MELTF: variants seen among roughly 807,000 people sequenced by gnomAD.
The protein encoded by MELTF is melanotransferrin.
Under a neutral mutation model 83.7 loss-of-function variants are expected in MELTF, and 67 were observed. The ratio of observed to expected loss-of-function variants is 0.80; its 90% CI spans 0.66 to 0.98. The LOEUF is 0.98. Among genes scored for constraint, MELTF ranks in the 50% least tolerant of loss-of-function variants. The pLI is 0.00. For synonymous variants in MELTF, 462 were observed against 447.6 expected (o/e 1.03, Z -0.41); for missense variants, 1,002 against 1,035.6 (o/e 0.97, Z 0.44).
chr3:197,003,335 G>C lies in MELTF; in HGVS notation c.*37C>G, dbSNP rs1431996976. 4.8e-6 allele frequency: 5 copies of C among 1,042,114 alleles called. No homozygotes were observed. The African/African-American group carries it at 5.2e-5, about 11-fold the overall frequency. The allele number at this position is 1,042,114 out of a possible 1,614,324, so 64.6% of individuals were successfully genotyped here. A position where few individuals can be genotyped will look rare whatever the true frequency, so the allele number is the denominator to read the frequency against. On this transcript the variant is annotated 3_prime_UTR_variant, in exon 16 of 16. Transcript: ENST00000296350. The surrounding 1 kb of genome is among the most constrained non-coding windows in gnomAD (Gnocchi z 6.2). The stretch of plus-strand genomic sequence containing the variant: ...CGCGAAGCCGCCGCGGAAACTCCCC[G>C]GGCGGGCATCGGAGCTCTGGGGCGG...
chr3:197,008,565 TTGGCCCCAGCCCAGCA>T lies in MELTF; in HGVS notation c.1750+76_1750+91del, dbSNP rs1719058397. ...AGACTCAGCCTCTCTGAGCTGCTGC[TTGGCCCCAGCCCAGCA>T]TGGTGTCTGGATGGTGCTGAAGATG... On this transcript the variant is annotated intron_variant, in intron 13 of 15. Coordinates refer to ENST00000296350, the MANE Select transcript of MELTF (RefSeq NM_005929.6). This position sits in a 1 kb window ranked among gnomAD's most constrained non-coding sequence, Gnocchi z 5.4. 6 of 1,416,590 alleles carry T rather than the reference TTGGCCCCAGCCCAGCA, an allele frequency of 4.2e-6. No individual in the cohort carries two copies. The East Asian group carries it at 1.4e-4, about 33-fold the overall frequency. The allele number at this position is 1,416,590 out of a possible 1,614,324, so 87.8% of individuals were successfully genotyped here.
intron 6 of MELTF, chr3:197,019,886 G>T (rs907910059): frequency 6.9e-7 from 1 of 1,453,330 alleles, no homozygotes; most frequent in Non-Finnish European, 9.1e-7. Flanking sequence ...CCTGGGAGAC[G>T]CAAAACTGCA....
Position 197,003,906 on chromosome 3 carries a change from C to G in MELTF, c.2132G>C (p.Gly711Ala), listed in dbSNP as rs775782894. 2.5e-6 allele frequency: 4 copies of G among 1,613,392 alleles called. No individual in the cohort carries two copies. The highest frequency in any genetic ancestry group is 3.4e-6 in the Non-Finnish European group (4 of 1,179,904). Residue 711 changes from glycine (G) to alanine (A), a missense_variant, in exon 15 of 16, where the codon GGC becomes GCC. By Grantham distance (60) the Gly-to-Ala change is moderately conservative (BLOSUM62 0). Transcript: ENST00000296350. The surrounding 1 kb of genome is among the most constrained non-coding windows in gnomAD (Gnocchi z 6.2). ...GCAGGGCGGGCCTGTCCTACCTGCG[C>G]CCGAGCACTGCTGAGACGACATCCC... ...LEGMSSQQCS[G>A]AAAPAPGAPL...
chr3:197,009,827 A>T lies in MELTF; in HGVS notation c.1331-15T>A, dbSNP rs370765832. 87 of 1,600,954 alleles carry T rather than the reference A, an allele frequency of 5.4e-5. No individual in the cohort carries two copies. The highest frequency in any genetic ancestry group is 7.3e-5 in the Non-Finnish European group (85 of 1,170,468). On this transcript the variant is annotated splice_polypyrimidine_tract_variant and intron_variant, in intron 10 of 15. Coordinates refer to ENST00000296350, the MANE Select transcript of MELTF (RefSeq NM_005929.6). ...GCTGTCTTCCGCTGGGGAGAGAGGG[A>T]CTCACGTGAGGGGCCCCTCATCTGA...
intron 9 of MELTF, among the ~76,000 whole-genome samples, chr3:197,014,459 C>G (rs531478817): frequency 2.1e-5 from 3 of 140,722 alleles, no homozygotes; most frequent in South Asian, 4.6e-4. Context: ...GTGATCTCGG[C>G]TCCCTGCAAC....
intron 6 of MELTF, chr3:197,019,437 A>G: frequency 7.1e-7 from 1 of 1,407,720 alleles, no homozygotes; most frequent in Non-Finnish European, 9.3e-7. Context: ...AGATTGCCTC[A>G]GATTACCATC....
At chr3:197,021,857 G>A (rs529902958) in intron 5 of MELTF, among the ~76,000 whole-genome samples, 113 of 152,188 alleles carry the variant, frequency 7.4e-4, no homozygotes, top group African/African-American at 2.5e-3. Context: ...GTTTGTTTTC[G>A]TTGTTTTGTT....
chr3:197,017,607 G>C (rs1471548138), intron 6 of MELTF, among the ~76,000 whole-genome samples: 1 of 152,236 alleles, frequency 6.6e-6, no homozygotes, highest in African/African-American at 2.4e-5. Flanking sequence ...GCCGGGCGTG[G>C]TGGCTCACGC....
chr3:197,009,765 C>G lies in MELTF; in HGVS notation c.1378G>C (p.Asp460His), dbSNP rs753701917. The change falls in exon 11 of 16, where the codon GAC (aspartate) becomes CAC (histidine). Residue 460 changes from aspartate (D) to histidine (H), a missense_variant. Physicochemically the swap from Asp to His is moderately conservative, Grantham distance 81 (BLOSUM62 -1). Transcript: ENST00000296350. ...SYYVVAVVRR[D>H]SSHAFTLDEL... is the part of the protein sequence containing the mutation. ...TCCAAGGTGAAGGCGTGGGAGCTGT[C>G]CCGTCTCACCACGGCCACCACGTAG... The G allele has an allele frequency of 8.7e-6, 14 of 1,613,344 alleles. No individual in the cohort carries two copies. The East Asian group carries it at 2.9e-4, about 33-fold the overall frequency.
chr3:197,026,974 T>A, intron 2 of MELTF: 1 of 549,322 alleles, frequency 1.8e-6, no homozygotes, highest in Non-Finnish European at 3.3e-6. Context: ...AAAAAAAAAA[T>A]ACTAATCATT....
At position 197,022,858 on chromosome 3, in the gene MELTF, C is replaced by T; in HGVS notation, c.644+99G>A. The T allele has an allele frequency of 8.5e-7, 1 of 1,170,634 alleles. No individual in the cohort carries two copies. The highest frequency in any genetic ancestry group is 2.3e-5 in the Admixed American group (1 of 43,464). 72.5% of individuals were successfully genotyped at this position (1,170,634 alleles called of 1,614,324 possible). On this transcript the variant is annotated intron_variant, in intron 5 of 15. Transcript: ENST00000296350. This position sits in a 1 kb window ranked among gnomAD's most constrained non-coding sequence, Gnocchi z 5.1. ...TGAGACGCAGCCAACATGCCACTTC[C>T]CCCTCCACGGCCCTCTCTGGGCAAA...
At chr3:197,018,890 A>G (rs1329614460) in intron 6 of MELTF, 2 of 972,368 alleles carry the variant, frequency 2.1e-6, no homozygotes, top group Non-Finnish European at 2.4e-6. Flanking sequence ...AAGAGTAACT[A>G]TTAACACCAA....
At chr3:197,012,741 A>G (rs1397889517) in intron 9 of MELTF, among the ~76,000 whole-genome samples, 2 of 152,266 alleles carry the variant, frequency 1.3e-5, no homozygotes. Context: ...CTCCAGGCAG[A>G]GAAGAGAACC....
chr3:197,010,063 C>T (rs1176948682), intron 10 of MELTF, among the ~76,000 whole-genome samples: 1 of 152,228 alleles, frequency 6.6e-6, no homozygotes. Flanking sequence ...AGCAGTCCTT[C>T]CCCACAGGGG....
chr3:197,013,385 AG>A (rs1295597478), intron 9 of MELTF, among the ~76,000 whole-genome samples: 1 of 152,226 alleles, frequency 6.6e-6, no homozygotes, highest in African/African-American at 2.4e-5. Flanking sequence ...AATGGATGAG[AG>A]GCCTAAATGC....
chr3:197,010,805 T>A lies in MELTF; in HGVS notation c.1234-11A>T, dbSNP rs373893929. 1.3e-5 allele frequency: 21 copies of A among 1,612,926 alleles called. No individual in the cohort carries two copies. The highest frequency in any genetic ancestry group is 1.8e-5 in the Non-Finnish European group (21 of 1,179,798). On this transcript the variant is annotated splice_polypyrimidine_tract_variant and intron_variant, in intron 9 of 15. Coordinates refer to ENST00000296350, the MANE Select transcript of MELTF (RefSeq NM_005929.6). ...GTCGACCTGCTCAGCCTGAAGGGAA[T>A]AGAAGAAGCCACTGGGCCGGGGTGG...
chr3:197,008,559 T>TG lies in MELTF; in HGVS notation c.1750+97dup, dbSNP rs1719058243. On this transcript the variant is annotated intron_variant, in intron 13 of 15. Transcript: ENST00000296350. The surrounding 1 kb of genome is among the most constrained non-coding windows in gnomAD (Gnocchi z 5.4). The stretch of plus-strand genomic sequence containing the variant: ...CCTTCTAGACTCAGCCTCTCTGAGC[T>TG]GCTGCTTGGCCCCAGCCCAGCATGG... The TG allele has an allele frequency of 7.3e-7, 1 of 1,360,908 alleles. No homozygotes were observed. The highest frequency in any genetic ancestry group is 1.0e-6 in the Non-Finnish European group (1 of 979,542). 84.3% of individuals were successfully genotyped at this position (1,360,908 alleles called of 1,614,324 possible).
At position 197,013,094 on chromosome 3, in the gene MELTF, A is replaced by G. The variant is rs1719243916; in HGVS notation, c.1233+2271T>C. ...TAGAAAGAACAATCCTAAACTTTGT[A>G]TGGAACCACAAGGGACCCTGAATAG... On this transcript the variant is annotated intron_variant, in intron 9 of 15. Transcript: ENST00000296350. Among the ~76,000 whole-genome samples the G allele has an allele frequency of 3.9e-5, 6 of 152,380 alleles. No individual in the cohort carries two copies. In the South Asian group the frequency reaches 1.2e-3, roughly 32 times the overall value.
At chr3:197,013,833 C>T (rs1233530487) in intron 9 of MELTF, among the ~76,000 whole-genome samples, 1 of 152,130 alleles carries the variant, frequency 6.6e-6, no homozygotes, top group African/African-American at 2.4e-5. Context: ...TGGCTGTTAT[C>T]AAAAAGATAA....
Sources: gnomAD v4.1 joint callset for allele counts (sites outside exome capture counted in the v4.1 genomes callset) on GRCh38, gnomAD v4.1.1 for gene constraint, Gnocchi (gnomAD v3.1) non-coding constraint, MANE v1.5 for transcripts, NCBI Gene and HGNC (gene_info 2026-07-23, HGNC 2026-07-21) for gene names.